Variants in ZNF573 observed in about 807,000 individuals in gnomAD.
ZNF573 encodes zinc finger protein 573.
Under a neutral mutation model 57.4 loss-of-function variants are expected in ZNF573, and 41 were observed. That is an observed-to-expected ratio of 0.71 (90% CI 0.56 to 0.93). The LOEUF is 0.93. ZNF573 is among the 40% of genes least tolerant of loss of function. The pLI is 0.00. For missense variants in ZNF573, 730 were observed against 794.8 expected (o/e 0.92, Z 0.98); for synonymous variants, 249 against 261.0 (o/e 0.95, Z 0.44).
chr19:37,744,475 C>CGTGA (rs756121044), intron 4 of ZNF573, among the ~76,000 whole-genome samples: 7 of 151,972 alleles, frequency 4.6e-5, no homozygotes, highest in Non-Finnish European at 1.0e-4. Context: ...TGGTGGCTCA[C>CGTGA]GCCTATAATC....
intron 4 of ZNF573, among the ~76,000 whole-genome samples, chr19:37,752,971 C>T (rs1218418165): frequency 2.0e-5 from 3 of 152,026 alleles, no homozygotes; most frequent in Admixed American, 2.0e-4. Context: ...AACATTATTT[C>T]AGGCTGGGTG....
At chr19:37,760,675 A>G (rs1179147941) in intron 4 of ZNF573, among the ~76,000 whole-genome samples, 1 of 151,936 alleles carries the variant, frequency 6.6e-6, no homozygotes, top group African/African-American at 2.4e-5. Flanking sequence ...TACAAAAATT[A>G]GCCAGGCATG....
At chr19:37,759,506 TCA>T in intron 4 of ZNF573, among the ~76,000 whole-genome samples, 1 of 152,200 alleles carries the variant, frequency 6.6e-6, no homozygotes, top group East Asian at 1.9e-4. Flanking sequence ...GGCAGGTGGA[TCA>T]CGAGGTCAGG....
intron 2 of ZNF573, 131 bp from the exon 3 acceptor site, chr19:37,771,827 G>GT: frequency 1.2e-6 from 1 of 856,478 alleles, no homozygotes; most frequent in Non-Finnish European, 1.7e-6. Flanking sequence ...CTAAAGCAAC[G>GT]TGTCTACATA....
intron 1 of ZNF573, among the ~76,000 whole-genome samples, 172 bp downstream of exon 1, chr19:37,779,372 C>T (rs1207680228): frequency 6.6e-6 from 1 of 152,160 alleles, no homozygotes; most frequent in Non-Finnish European, 1.5e-5. Context: ...CATGCACCCA[C>T]GGGCCTGAGA....
At chr19:37,757,350 C>T (rs1316616133) in intron 4 of ZNF573, among the ~76,000 whole-genome samples, 1 of 152,118 alleles carries the variant, frequency 6.6e-6, no homozygotes, top group African/African-American at 2.4e-5. Context: ...GCGCCCGCCA[C>T]CGCGCCCGGC....
At position 37,739,785 on chromosome 19, in the gene ZNF573, T is replaced by C. The variant is rs2045306490; in HGVS notation, c.705A>G (p.Gln235=). 6.2e-7 allele frequency: 1 copy of C among 1,613,752 alleles called. No individual in the cohort carries two copies. The highest frequency in any genetic ancestry group is 1.3e-5 in the African/African-American group (1 of 74,910). ...KAFIYASHIV[Q]HERIHTGGKP... Reference sequence around the variant, plus strand: ...TCCCACCAGTGTGAATTCTCTCATGTTGAACAATGTGTGAGGCATATATAA... The same window carrying C: ...TCCCACCAGTGTGAATTCTCTCATGCTGAACAATGTGTGAGGCATATATAA... Residue 235 remains glutamine, a synonymous_variant, in exon 5 of 5, where the codon CAA becomes CAG. Transcript: ENST00000536220.
intron 4 of ZNF573, among the ~76,000 whole-genome samples, chr19:37,745,440 C>T (rs780272750): frequency 6.6e-6 from 1 of 151,738 alleles, no homozygotes; most frequent in Non-Finnish European, 1.5e-5. Flanking sequence ...CTCTGTTGCC[C>T]AGGCTGGAGT....
chr19:37,749,529 T>C (rs2045413933), intron 4 of ZNF573, among the ~76,000 whole-genome samples: 1 of 151,904 alleles, frequency 6.6e-6, no homozygotes, highest in Admixed American at 6.6e-5. Flanking sequence ...TAAATACATA[T>C]GAGAAAAGGA....
intron 4 of ZNF573, among the ~76,000 whole-genome samples, chr19:37,764,348 G>A (rs977309962): frequency 3.4e-5 from 5 of 148,070 alleles, no homozygotes; most frequent in African/African-American, 1.3e-4. Context: ...TTAAGACGGA[G>A]TGTCGCTCTG....
Position 37,739,141 on chromosome 19 carries a change from G to GT in ZNF573, c.1348dup (p.Thr450AsnfsTer6), listed in dbSNP as rs751020931. 51 of 1,612,954 alleles carry GT rather than the reference G, an allele frequency of 3.2e-5. No homozygotes were observed. Among genetic ancestry groups the GT allele is most frequent in the East Asian group, 1.8e-4 (8 of 44,874 alleles). On this transcript the variant is annotated frameshift_variant, in exon 5 of 5. Coordinates refer to ENST00000536220, the MANE Select transcript of ZNF573 (RefSeq NM_001172690.2). LOFTEE classifies it high-confidence loss of function. ...AGTAAGATTTCTATACAAAGTAAAG[G>GT]TTTTTTTACACTCCTTACATTCAAA...
At position 37,770,025 on chromosome 19, in the gene ZNF573, CTCAAAATCA is replaced by C. The variant is rs1482471275; in HGVS notation, c.266_274del (p.Met89_Leu91del). On this transcript the variant is annotated inframe_deletion, in exon 4 of 5. Coordinates refer to ENST00000536220, the MANE Select transcript of ZNF573 (RefSeq NM_001172690.2). ...CTTACCTGTGAACTGTGTTTCTTCC[CTCAAAATCA>C]TCCAGGGCTCTTTTCCTCGCTCCAG... 6.4e-7 allele frequency: 1 copy of C among 1,551,890 alleles called. No individual in the cohort carries two copies. The highest frequency in any genetic ancestry group is 8.7e-7 in the Non-Finnish European group (1 of 1,147,182).
intron 1 of ZNF573, among the ~76,000 whole-genome samples, chr19:37,774,304 A>C (rs927368936): frequency 6.6e-6 from 1 of 151,124 alleles, no homozygotes; most frequent in Non-Finnish European, 1.5e-5. Context: ...CACCTAGCTA[A>C]TTTTTTTTGT....
At chr19:37,767,398 T>A (rs904673330) in intron 4 of ZNF573, among the ~76,000 whole-genome samples, 2 of 152,020 alleles carry the variant, frequency 1.3e-5, no homozygotes, top group African/African-American at 4.8e-5. Context: ...CCACCTAATT[T>A]TTTGTATTTT....
At chr19:37,766,311 C>A (rs1450188580) in intron 4 of ZNF573, among the ~76,000 whole-genome samples, 3 of 152,170 alleles carry the variant, frequency 2.0e-5, no homozygotes, top group Non-Finnish European at 4.4e-5. Context: ...CCACACTCAG[C>A]CTTGAAACAG....
At chr19:37,770,185 A>C (rs1025560644) in intron 3 of ZNF573, 88 bp from the exon 4 acceptor site, 2 of 997,344 alleles carry the variant, frequency 2.0e-6, no homozygotes, top group African/African-American at 3.3e-5. Context: ...ACAATGAACT[A>C]AGGACTTCAA....
At position 37,768,945 on chromosome 19, in the gene ZNF573, C is replaced by T. The variant is rs544609805; in HGVS notation, c.295+1060G>A. On this transcript the variant is annotated intron_variant, in intron 4 of 4. Transcript: ENST00000536220. The stretch of plus-strand genomic sequence containing the variant: ...CCTCCCAAAGTGCTGGGATTACAGG[C>T]GTGAGCCGCTGCGCCCGGCCTATTT... 4.6e-4 allele frequency among the ~76,000 whole-genome samples: 69 copies of T among 151,308 alleles called. 1 individual carries two copies. The South Asian group carries it at 0.013, about 29-fold the overall frequency.
Position 37,755,033 on chromosome 19 carries a change from C to T in ZNF573, c.296-14839G>A, listed in dbSNP as rs143100877. Among the ~76,000 whole-genome samples the T allele has an allele frequency of 6.5e-4, 99 of 152,072 alleles. 3 individuals are homozygous for T. The East Asian group carries it at 0.018, about 28-fold the overall frequency. On this transcript the variant is annotated intron_variant, in intron 4 of 4. Transcript: ENST00000536220. The stretch of plus-strand genomic sequence containing the variant: ...CTCCCAGGCTGGAGTGCAGTGGCTC[C>T]ATCTCAGCTCACTGCAAGCTCCGCC...
chr19:37,766,434 G>A lies in ZNF573; in HGVS notation c.295+3571C>T, dbSNP rs182913529. On this transcript the variant is annotated intron_variant, in intron 4 of 4. Transcript: ENST00000536220. ...TGGAAGTTTCTTGCAAAGGCAAATG[G>A]CTTCATTGTTCATTACTGGAAGTTC... Among the ~76,000 whole-genome samples the A allele has an allele frequency of 5.7e-4, 87 of 152,266 alleles. 2 individuals are homozygous for A. Among genetic ancestry groups the A allele is most frequent in the African/African-American group, 1.7e-3 (71 of 41,568 alleles).
Sources: allele counts gnomAD v4.1 joint callset (sites outside exome capture counted in the v4.1 genomes callset), GRCh38; gene constraint gnomAD v4.1.1; transcripts MANE v1.5; gene names NCBI Gene and HGNC (gene_info 2026-07-23, HGNC 2026-07-21).